ITFG2: variants seen among roughly 807,000 people sequenced by gnomAD.
The protein encoded by ITFG2 is KICSTOR complex protein ITFG2.
In ITFG2, 36 loss-of-function variants were observed where a neutral mutation model predicts 54.4. That is an observed-to-expected ratio of 0.66 (90% CI 0.51 to 0.87). ITFG2 has a LOEUF of 0.87. ITFG2 is among the 40% of genes least tolerant of loss of function. The pLI, the probability that ITFG2 is intolerant of heterozygous loss-of-function variation, is 0.00. For missense variants in ITFG2, 524 were observed against 576.7 expected, an observed-to-expected ratio of 0.91 and a Z score of 0.94; for synonymous variants, 211 against 225.4, an observed-to-expected ratio of 0.94 and a Z score of 0.57.
chr12:2,850,667 T>G (rs1565448257), intron 2 of ITFG2, among the ~76,000 whole-genome samples: 4 of 151,808 alleles, frequency 2.6e-5, no homozygotes, highest in Middle Eastern at 3.4e-3. Context: ...TGTTTTGTTT[T>G]GTTTTGTTTT....
chr12:2,818,758 C>T, intron 4 of ITFG2: 1 of 175,652 alleles, frequency 5.7e-6, no homozygotes, highest in South Asian at 1.3e-4. Flanking sequence ...TGGCTCATCC[C>T]TATAATCCCA....
rs902772251 is a variant in ITFG2, at chr12:2,824,598, C to A, written c.*405C>A. ...AGTGGAGGTAAGGGCTCCACCCCAT[C>A]TTAAGCTCTGTCTTCCGTGGCACAA... is the stretch of plus-strand genomic sequence containing the variant. On this transcript the variant is annotated 3_prime_UTR_variant, in exon 12 of 12. Coordinates refer to ENST00000228799, the MANE Select transcript of ITFG2 (RefSeq NM_018463.4). 5 of 231,302 alleles carry A rather than the reference C, an allele frequency of 2.2e-5. No homozygotes were observed. The highest frequency in any genetic ancestry group is 9.0e-5 in the African/African-American group (4 of 44,228). 14.3% of individuals were successfully genotyped at this position (231,302 alleles called of 1,614,324 possible). A position where few individuals can be genotyped will look rare whatever the true frequency, so the allele number is the denominator to read the frequency against.
intron 2 of ITFG2, among the ~76,000 whole-genome samples, chr12:2,856,757 G>A (rs533639423): frequency 6.6e-6 from 1 of 152,334 alleles, no homozygotes; most frequent in East Asian, 1.9e-4. Context: ...GGGGCTGGGA[G>A]ATGTGGCACT....
At chr12:2,851,652 G>A (rs191588287) in intron 2 of ITFG2, among the ~76,000 whole-genome samples, 48 of 148,060 alleles carry the variant, frequency 3.2e-4, no homozygotes, top group African/African-American at 1.2e-3. Context: ...CGCTAAATTT[G>A]TTTTATTTTA....
chr12:2,844,645 C>T (rs951071726), intron 2 of ITFG2, among the ~76,000 whole-genome samples: 1 of 152,148 alleles, frequency 6.6e-6, no homozygotes, highest in Non-Finnish European at 1.5e-5. Context: ...CTACCTTCAG[C>T]ACTCCTGTCC....
intron 2 of ITFG2, among the ~76,000 whole-genome samples, chr12:2,841,525 T>C (rs1046320411): frequency 5.9e-5 from 9 of 152,212 alleles, no homozygotes; most frequent in African/African-American, 2.2e-4. Flanking sequence ...CAGACAGTTA[T>C]TGGTGATCCT....
chr12:2,823,122 G>C (rs1421154376), intron 10 of ITFG2, among the ~76,000 whole-genome samples: 1 of 152,124 alleles, frequency 6.6e-6, no homozygotes, highest in Admixed American at 6.5e-5. Flanking sequence ...CAGCTCTTTT[G>C]TTTGGGGGTG....
At chr12:2,848,877 G>GTGCACACA (rs1555092609) in intron 2 of ITFG2, among the ~76,000 whole-genome samples, 1 of 140,272 alleles carries the variant, frequency 7.1e-6, no homozygotes, top group African/African-American at 2.7e-5. Flanking sequence ...ACACACACAC[G>GTGCACACA]CACACACACA....
intron 1 of ITFG2, among the ~76,000 whole-genome samples, chr12:2,813,871 T>C (rs758839558): frequency 6.6e-6 from 1 of 152,358 alleles, no homozygotes; most frequent in Non-Finnish European, 1.5e-5. Flanking sequence ...TTATGTTTTC[T>C]GGGCTTTCGT....
intron 2 of ITFG2, chr12:2,855,231 G>T (rs2098083631): frequency 6.6e-7 from 1 of 1,506,776 alleles, no homozygotes; most frequent in Non-Finnish European, 8.9e-7. Context: ...CGAGCCACGT[G>T]TGAAAGCCCC....
intron 2 of ITFG2, chr12:2,857,421 G>C (rs897705114): frequency 3.9e-6 from 1 of 259,288 alleles, no homozygotes; most frequent in Non-Finnish European, 7.7e-6. Flanking sequence ...AAAGGCCTAA[G>C]TTAACCAGCA....
At chr12:2,820,916 G>A (rs1403934801) in intron 6 of ITFG2, 44 bp downstream of exon 6, 1 of 1,597,490 alleles carries the variant, frequency 6.3e-7, no homozygotes, top group Non-Finnish European at 8.6e-7. Context: ...GTGCATGGAA[G>A]CAGGATGGGC....
intron 2 of ITFG2, among the ~76,000 whole-genome samples, chr12:2,843,054 G>C (rs894882174): frequency 1.3e-5 from 2 of 152,166 alleles, no homozygotes; most frequent in Admixed American, 1.3e-4. Flanking sequence ...GGTGGGGATG[G>C]AGAGGAGAGC....
At chr12:2,828,529 G>T, downstream of ITFG2, 1 of 841,386 alleles carries the variant, frequency 1.2e-6, no homozygotes, top group South Asian at 1.5e-5. Flanking sequence ...TGGAGAAAAT[G>T]AACTGTCTTT....
chr12:2,842,989 C>T (rs2098045069), intron 2 of ITFG2, among the ~76,000 whole-genome samples: 1 of 152,116 alleles, frequency 6.6e-6, no homozygotes, highest in South Asian at 2.1e-4. Flanking sequence ...GAGATCTTTC[C>T]ATCTTTTCAA....
At chr12:2,854,883 G>A in intron 2 of ITFG2, 6 of 1,526,100 alleles carry the variant, frequency 3.9e-6, no homozygotes, top group Non-Finnish European at 5.3e-6. Flanking sequence ...TCCCTGAGGA[G>A]GCACCGTCTT....
Position 2,823,761 on chromosome 12 carries a change from A to G in ITFG2, c.1067-9A>G. 6.5e-7 allele frequency: 1 copy of G among 1,531,596 alleles called. No homozygotes were observed. Among genetic ancestry groups the G allele is most frequent in the Non-Finnish European group, 8.8e-7 (1 of 1,137,572 alleles). The allele number at this position is 1,531,596 out of a possible 1,614,324, so 94.9% of individuals were successfully genotyped here. A position where few individuals can be genotyped will look rare whatever the true frequency, so the allele number is the denominator to read the frequency against. On this transcript the variant is annotated splice_polypyrimidine_tract_variant and intron_variant, in intron 10 of 11. Transcript: ENST00000228799. The stretch of plus-strand genomic sequence containing the variant: ...TCCTGACCTTTATCTCCCTGCCAAC[A>G]TCTTCCAGGCCTGTACGCCTGCAAA...
chr12:2,840,953 GCAGACACCTGGAGGAGTGCCA>G (rs1328591403), exon 2 of ITFG2: 4 of 152,638 alleles, frequency 2.6e-5, no homozygotes, highest in Non-Finnish European at 5.9e-5. Context: ...AGAGGGCCAT[GCAGACACCTGGAGGAGTGCCA>G]CAGACACAGG....
downstream of ITFG2, chr12:2,827,945 C>T (rs763459654): frequency 1.9e-6 from 3 of 1,614,198 alleles, no homozygotes; most frequent in East Asian, 2.2e-5. The surrounding 1 kb of genome is among the most constrained non-coding windows in gnomAD (Gnocchi z 4.0). Context: ...GTGCCGAGCA[C>T]ACCACAGTCT....
Sources: allele counts gnomAD v4.1 joint callset (sites outside exome capture counted in the v4.1 genomes callset), GRCh38; gene constraint gnomAD v4.1.1; non-coding constraint Gnocchi (gnomAD v3.1); transcripts MANE v1.5; gene names NCBI Gene and HGNC (gene_info 2026-07-23, HGNC 2026-07-21).